PCDHA9: variants seen among roughly 807,000 people sequenced by gnomAD.
PCDHA9 encodes protocadherin alpha-9.
A neutral mutation model predicts 62.0 loss-of-function variants in PCDHA9; 62 were observed. The observed-to-expected ratio is 1.00, with a 90% CI of 0.81 to 1.23. The LOEUF (loss-of-function observed/expected upper bound fraction) is 1.23. PCDHA9 is among the 50% of genes most tolerant of loss of function. The pLI is 0.00. For synonymous variants in PCDHA9, 557 were observed against 567.6 expected (o/e 0.98, Z 0.27); for missense variants, 1,205 against 1,249.8 (o/e 0.96, Z 0.54).
chr5:140,991,501 A>G (rs1223011478), intron 3 of PCDHA9, among the ~76,000 whole-genome samples: 1 of 152,216 alleles, frequency 6.6e-6, no homozygotes, highest in East Asian at 1.9e-4. Context: ...AGTGAGTTTC[A>G]CTGGCTAAAA....
intron 3 of PCDHA9, among the ~76,000 whole-genome samples, chr5:140,999,595 C>T (rs1232390404): frequency 1.3e-5 from 2 of 152,148 alleles, no homozygotes; most frequent in East Asian, 3.9e-4. Flanking sequence ...GCCTTCCCTA[C>T]ATCCTGGGGG....
At chr5:140,902,575 T>A (rs1200474088) in intron 1 of PCDHA9, among the ~76,000 whole-genome samples, 1 of 152,082 alleles carries the variant, frequency 6.6e-6, no homozygotes, top group Non-Finnish European at 1.5e-5. Flanking sequence ...TTTTTAAGAT[T>A]TCAATAGTTT....
intron 1 of PCDHA9, among the ~76,000 whole-genome samples, chr5:140,922,606 T>C (rs1394298971): frequency 2.6e-5 from 4 of 152,176 alleles, no homozygotes; most frequent in African/African-American, 9.7e-5. Context: ...GTTGAAGATA[T>C]ATTAAAACTA....
chr5:140,881,909 G>T (rs941994896), intron 1 of PCDHA9: 6 of 230,500 alleles, frequency 2.6e-5, no homozygotes, highest in Non-Finnish European at 5.1e-5. Context: ...AATATAAAAT[G>T]TTGAGCAGAA....
intron 1 of PCDHA9, chr5:140,882,051 A>T: frequency 1.3e-6 from 1 of 757,670 alleles, no homozygotes; most frequent in Non-Finnish European, 2.0e-6. Flanking sequence ...AGTCATACTT[A>T]CACTTACACG....
chr5:140,926,756 G>T, intron 1 of PCDHA9: 1 of 1,289,704 alleles, frequency 7.8e-7, no homozygotes, highest in South Asian at 2.2e-5. Context: ...GGCGGTCGCT[G>T]AGTATCCAGC....
intron 1 of PCDHA9, among the ~76,000 whole-genome samples, chr5:140,915,981 C>T (rs11167655): frequency 0.33 from 49,706 of 151,966 alleles, 8,424 homozygotes; most frequent in East Asian, 0.53. Flanking sequence ...TATTTGACTA[C>T]GGCTAAGCTG....
chr5:140,875,874 A>G (rs782173743), intron 1 of PCDHA9: 2 of 1,614,188 alleles, frequency 1.2e-6, no homozygotes, highest in East Asian at 4.5e-5. Context: ...CGGTGTTCAG[A>G]GAAAGGGAAC....
At chr5:141,002,610 C>T (rs1191320958) in intron 3 of PCDHA9, among the ~76,000 whole-genome samples, 1 of 152,200 alleles carries the variant, frequency 6.6e-6, no homozygotes, top group Non-Finnish European at 1.5e-5. Context: ...ATAAAACAGA[C>T]ACATAACACA....
At chr5:140,900,695 C>T (rs889860103) in intron 1 of PCDHA9, among the ~76,000 whole-genome samples, 4 of 152,170 alleles carry the variant, frequency 2.6e-5, no homozygotes, top group Non-Finnish European at 5.9e-5. Context: ...TACTGATTTC[C>T]GTTCTTTTGG....
chr5:140,878,468 A>G (rs2057603759), intron 1 of PCDHA9, among the ~76,000 whole-genome samples: 1 of 152,188 alleles, frequency 6.6e-6, no homozygotes, highest in Non-Finnish European at 1.5e-5. Flanking sequence ...TAATAAAATC[A>G]TTTCTCAATT....
At chr5:140,867,151 A>G (rs1437256888) in intron 1 of PCDHA9, 1 of 152,150 alleles carries the variant, frequency 6.6e-6, no homozygotes, top group Non-Finnish European at 1.5e-5. Context: ...ATTTTTCCAG[A>G]GTAAACCTTC....
At chr5:140,886,461 A>G (rs1434440381) in intron 1 of PCDHA9, among the ~76,000 whole-genome samples, 2 of 152,116 alleles carry the variant, frequency 1.3e-5, no homozygotes, top group African/African-American at 2.4e-5. Context: ...TCATATATAA[A>G]TGTTTTTAAA....
In PCDHA9 at chr5:140,943,140, C is replaced by CCCAGCTA. The variant is rs377502817; in HGVS notation, c.2395-35807_2395-35801dup. 5.8e-3 allele frequency among the ~76,000 whole-genome samples: 878 copies of CCCAGCTA among 151,552 alleles called. 7 individuals are homozygous for CCCAGCTA. The highest frequency in any genetic ancestry group is 0.021 in the African/African-American group (851 of 41,302). On this transcript the variant is annotated intron_variant, in intron 1 of 3. Transcript: ENST00000532602. ...AGGTGTGGTAGTGGGTGCCTGTAGT[C>CCCAGCTA]CCAGCTACTCTGGAGGCTGAGGCAG...
At chr5:141,005,313 T>C (rs1157761147) in intron 3 of PCDHA9, among the ~76,000 whole-genome samples, 1 of 151,958 alleles carries the variant, frequency 6.6e-6, no homozygotes, top group Non-Finnish European at 1.5e-5. Flanking sequence ...AATCTTACAG[T>C]GGTAGAGAAT....
chr5:141,000,418 T>TAA (rs2097924814), intron 3 of PCDHA9, among the ~76,000 whole-genome samples: 1 of 83,682 alleles, frequency 1.2e-5, no homozygotes, highest in Non-Finnish European at 2.2e-5. Context: ...TATATATATA[T>TAA]ATATTTTTTT....
chr5:140,943,435 A>G (rs941814689), intron 1 of PCDHA9, among the ~76,000 whole-genome samples: 2 of 152,148 alleles, frequency 1.3e-5, no homozygotes, highest in African/African-American at 4.8e-5. Flanking sequence ...AATATGATAT[A>G]AAGGATAGAA....
intron 1 of PCDHA9, among the ~76,000 whole-genome samples, chr5:140,916,329 T>C (rs1554197398): frequency 6.6e-6 from 1 of 152,178 alleles, no homozygotes; most frequent in African/African-American, 2.4e-5. Context: ...TCCCCTTTAC[T>C]TTTTCCTCTG....
chr5:140,878,084 T>C (rs782330226), intron 1 of PCDHA9: 82 of 330,796 alleles, frequency 2.5e-4, no homozygotes, highest in Admixed American at 2.3e-4. Flanking sequence ...TATAATATTT[T>C]ATATGACTGA....
Sources: allele counts gnomAD v4.1 joint callset (sites outside exome capture counted in the v4.1 genomes callset), GRCh38; gene constraint gnomAD v4.1.1; transcripts MANE v1.5; gene names NCBI Gene and HGNC (gene_info 2026-07-23, HGNC 2026-07-21).